Variants in NME7 observed in about 807,000 individuals in gnomAD.
NME7 encodes NME/NM23 family member 7, also known as nucleoside diphosphate kinase 7.
A neutral mutation model predicts 49.1 loss-of-function variants in NME7; 41 were observed. That is an observed-to-expected ratio of 0.83 (90% CI 0.65 to 1.08). NME7 has a LOEUF of 1.08. Among genes scored for constraint, NME7 ranks in the 50% least tolerant of loss-of-function variants. The pLI is 0.00. For synonymous variants in NME7, 139 were observed against 150.6 expected, an observed-to-expected ratio of 0.92 and a Z score of 0.56; for missense variants, 423 against 463.4, an observed-to-expected ratio of 0.91 and a Z score of 0.80.
Position 169,323,141 on chromosome 1 carries a change from C to G in NME7, c.254G>C (p.Arg85Pro), listed in dbSNP as rs750168646. ...LIDYGDQYTARQLGSRKEKTL... is the reference protein window; with the variant it reads ...LIDYGDQYTAPQLGSRKEKTL... ...CTTTTCTTTCCTACTGCCCAGCTGG[C>G]GAGCTGTATATTGATCCCCATAGTC... The change falls in exon 3 of 12, where the codon CGC becomes CCC. Residue 85 changes from arginine (R) to proline (P), a missense_variant. By Grantham distance (103) the Arg-to-Pro change is moderately radical (BLOSUM62 -2). Coordinates refer to ENST00000367811, the MANE Select transcript of NME7 (RefSeq NM_013330.5). The G allele has an allele frequency of 1.9e-6, 3 of 1,579,944 alleles. No homozygotes were observed. The highest frequency in any genetic ancestry group is 1.4e-5 in the African/African-American group (1 of 73,204).
chr1:169,225,878 T>C (rs181990513), intron 10 of NME7, among the ~76,000 whole-genome samples: 14 of 152,358 alleles, frequency 9.2e-5, no homozygotes, highest in African/African-American at 2.9e-4. Flanking sequence ...AGTTACAAAC[T>C]GATTTAATGG....
At chr1:169,237,486 G>A (rs377467475) in intron 8 of NME7, 137 bp downstream of exon 8, 1 of 530,028 alleles carries the variant, frequency 1.9e-6, no homozygotes, top group Non-Finnish European at 3.3e-6. Context: ...CTACAGGAAG[G>A]TTACTGAGTT....
Position 169,287,537 on chromosome 1 carries a change from T to A in NME7, c.649-129A>T, listed in dbSNP as rs552245702. On this transcript the variant is annotated intron_variant, in intron 6 of 11. Transcript: ENST00000367811. ...ATCATATAAATTTTTTGTTTCAGAT[T>A]TTCTAAAAATGAGTTTTACAAAGAC... 13 of 690,646 alleles carry A rather than the reference T, an allele frequency of 1.9e-5. No homozygotes were observed. The South Asian group carries it at 3.4e-4, about 18-fold the overall frequency. The allele number at this position is 690,646 out of a possible 1,614,324, so 42.8% of individuals were successfully genotyped here.
chr1:169,202,972 G>A (rs1660588692), intron 10 of NME7, among the ~76,000 whole-genome samples: 2 of 152,052 alleles, frequency 1.3e-5, no homozygotes, highest in Non-Finnish European at 2.9e-5. Flanking sequence ...TCAGGCAGGC[G>A]GGCAGGGAGG....
intron 1 of NME7, among the ~76,000 whole-genome samples, chr1:169,337,221 G>C (rs889672030): frequency 6.6e-6 from 1 of 152,224 alleles, no homozygotes; most frequent in Non-Finnish European, 1.5e-5. Context: ...GCCGTGCCCC[G>C]TGGGAAGGCA....
chr1:169,261,663 A>G (rs1180403260), intron 7 of NME7, among the ~76,000 whole-genome samples: 1 of 133,718 alleles, frequency 7.5e-6, no homozygotes, highest in Non-Finnish European at 1.8e-5. Flanking sequence ...CTTGACTCTG[A>G]TGATGGCAGA....
chr1:169,280,922 T>G (rs978194359), intron 7 of NME7, among the ~76,000 whole-genome samples: 5 of 152,016 alleles, frequency 3.3e-5, no homozygotes, highest in African/African-American at 1.2e-4. Context: ...TGCCCAAGAT[T>G]GTCTTGGCTA....
At chr1:169,273,689 T>C (rs556453630) in intron 7 of NME7, among the ~76,000 whole-genome samples, 2,029 of 119,264 alleles carry the variant, frequency 0.017, 92 homozygotes, top group African/African-American at 0.051. Context: ...TCAATTCCCA[T>C]CTATGAGTGA....
intron 1 of NME7, among the ~76,000 whole-genome samples, chr1:169,335,855 G>T (rs1289967135): frequency 6.6e-6 from 1 of 151,188 alleles, no homozygotes; most frequent in Non-Finnish European, 1.5e-5. Flanking sequence ...CCTCAAGCCA[G>T]CTGCTTCCAG....
At position 169,194,050 on chromosome 1, in the gene NME7, G is replaced by A. The variant is rs538648567; in HGVS notation, c.991-24496C>T. ...TCAGATAAACATACTGAAAAATAGC[G>A]AGGCAAAAAAGACTGATACAAGGAG... On this transcript the variant is annotated intron_variant, in intron 10 of 11. Transcript: ENST00000367811. Among the ~76,000 whole-genome samples, 6 of 152,034 alleles carry A rather than the reference G, an allele frequency of 3.9e-5. No homozygotes were observed. In the South Asian group the frequency reaches 8.3e-4, roughly 21 times the overall value.
In NME7 at chr1:169,305,390, C is replaced by A. The variant is rs189210277; in HGVS notation, c.390-2195G>T. The stretch of plus-strand genomic sequence containing the variant: ...GGCACTGATCCAAGAACTAGAAATA[C>A]AAAGTCATACAGAACTCAGCAGCTA... On this transcript the variant is annotated intron_variant, in intron 4 of 11. Transcript: ENST00000367811. 2.7e-4 allele frequency among the ~76,000 whole-genome samples: 41 copies of A among 152,320 alleles called. No individual in the cohort carries two copies. In the East Asian group the frequency reaches 5.8e-3, roughly 21 times the overall value.
intron 10 of NME7, among the ~76,000 whole-genome samples, chr1:169,228,930 T>C (rs1467677915): frequency 2.6e-5 from 4 of 152,192 alleles, no homozygotes; most frequent in South Asian, 2.1e-4. Flanking sequence ...TATTTAAGTA[T>C]CTATTCTTTC....
chr1:169,331,366 A>G (rs1480717958), intron 1 of NME7, among the ~76,000 whole-genome samples: 1 of 152,198 alleles, frequency 6.6e-6, no homozygotes, highest in African/African-American at 2.4e-5. Flanking sequence ...AGCTAGTATC[A>G]TACTGAATGG....
chr1:169,201,890 T>G (rs1337602187), intron 10 of NME7, among the ~76,000 whole-genome samples: 1 of 152,018 alleles, frequency 6.6e-6, no homozygotes, highest in Non-Finnish European at 1.5e-5. Context: ...AAGGAAGACA[T>G]GCAGAAAAAT....
chr1:169,326,705 T>C (rs1462196279), intron 1 of NME7, among the ~76,000 whole-genome samples: 1 of 152,182 alleles, frequency 6.6e-6, no homozygotes, highest in Non-Finnish European at 1.5e-5. Context: ...AACTTTCTGG[T>C]TTACCTTTAC....
intron 10 of NME7, among the ~76,000 whole-genome samples, chr1:169,175,214 T>C (rs1659718569): frequency 6.6e-6 from 1 of 152,072 alleles, no homozygotes; most frequent in African/African-American, 2.4e-5. Context: ...ATCATCAAAA[T>C]CACTGTCTTC....
chr1:169,170,617 T>A (rs1659556111), intron 10 of NME7, among the ~76,000 whole-genome samples: 1 of 152,166 alleles, frequency 6.6e-6, no homozygotes, highest in Admixed American at 6.5e-5. Context: ...AAGTATCCAA[T>A]ATTAAAAACC....
At chr1:169,228,646 C>A (rs12403181) in intron 10 of NME7, among the ~76,000 whole-genome samples, 1 of 146,478 alleles carries the variant, frequency 6.8e-6, no homozygotes, top group African/African-American at 2.5e-5. Flanking sequence ...CACTGCAGTC[C>A]GCAGTCCGGC....
chr1:169,133,264 T>C (rs1181520450), intron 11 of NME7, among the ~76,000 whole-genome samples: 2 of 152,114 alleles, frequency 1.3e-5, no homozygotes, highest in Non-Finnish European at 2.9e-5. Context: ...CCAAAAAACA[T>C]TTTCCAGCTA....
Sources: allele counts gnomAD v4.1 joint callset (sites outside exome capture counted in the v4.1 genomes callset), GRCh38; gene constraint gnomAD v4.1.1; transcripts MANE v1.5; gene names NCBI Gene and HGNC (gene_info 2026-07-23, HGNC 2026-07-21).